UBE3D: variants seen among roughly 807,000 people sequenced by gnomAD.
UBE3D encodes E3 ubiquitin-protein ligase E3D.
Under a neutral mutation model 49.6 loss-of-function variants are expected in UBE3D, and 48 were observed. The observed-to-expected ratio is 0.97, with a 90% CI of 0.77 to 1.23. UBE3D has a LOEUF of 1.23. UBE3D is among the 50% of genes most tolerant of loss of function. The probability of loss-of-function intolerance (pLI) is 0.00; values close to 1 mark genes in which losing one functional copy is unlikely to be tolerated. For missense variants in UBE3D, 452 were observed against 468.4 expected, an observed-to-expected ratio of 0.96 and a Z score of 0.32; for synonymous variants, 189 against 174.2, an observed-to-expected ratio of 1.08 and a Z score of -0.67.
chr6:82,882,306 C>T, the UBE3D span, among the ~76,000 whole-genome samples: 1 of 152,108 alleles, frequency 6.6e-6, no homozygotes, highest in Non-Finnish European at 1.5e-5. Context: ...AGCAAAGCAC[C>T]TCACCAAAAT....
chr6:82,932,459 G>GTATA (rs1774233162), intron 9 of UBE3D: 1 of 152,004 alleles, frequency 6.6e-6, no homozygotes, highest in African/African-American at 2.4e-5. Flanking sequence ...TATACTCCAT[G>GTATA]CTGTGATCTG....
chr6:82,895,643 C>T (rs1312939227), intron 9 of UBE3D, among the ~76,000 whole-genome samples: 1 of 152,116 alleles, frequency 6.6e-6, no homozygotes, highest in African/African-American at 2.4e-5. Context: ...CAGCACAGTC[C>T]TATGGTTTAG....
At chr6:82,927,741 T>C (rs1163813476) in intron 9 of UBE3D, among the ~76,000 whole-genome samples, 1 of 123,118 alleles carries the variant, frequency 8.1e-6, no homozygotes, top group Non-Finnish European at 1.8e-5. Flanking sequence ...TAATCACTTA[T>C]TAGTTTGGGA....
chr6:82,900,483 A>AG (rs1156411336), intron 9 of UBE3D, among the ~76,000 whole-genome samples: 8 of 152,204 alleles, frequency 5.3e-5, no homozygotes, highest in Non-Finnish European at 1.2e-4. Flanking sequence ...TGTCATTTAA[A>AG]CAGATTTATT....
intron 8 of UBE3D, among the ~76,000 whole-genome samples, chr6:83,014,957 A>G (rs1326892661): frequency 6.6e-6 from 1 of 152,198 alleles, no homozygotes; most frequent in African/African-American, 2.4e-5. Flanking sequence ...GAACATCGTA[A>G]TTAGCTAATG....
chr6:83,005,759 G>A (rs1384434056), intron 8 of UBE3D, among the ~76,000 whole-genome samples: 2 of 151,996 alleles, frequency 1.3e-5, no homozygotes, highest in African/African-American at 4.8e-5. Flanking sequence ...CAGACGAAAA[G>A]ATAAACAAAA....
chr6:83,038,415 C>T lies in UBE3D; in HGVS notation c.667+1G>A. The T allele has an allele frequency of 6.2e-7, 1 of 1,610,364 alleles. No homozygotes were observed. The highest frequency in any genetic ancestry group is 1.1e-5 in the South Asian group (1 of 89,962). On this transcript the variant is annotated splice_donor_variant, in intron 5 of 9. Coordinates refer to ENST00000369747, the MANE Select transcript of UBE3D (RefSeq NM_198920.3). LOFTEE classifies it high-confidence loss of function. ...TTGGCTTCTTGTTATGAAATTCTTA[C>T]CTGATGACACGGTCTCTCCCAACAT...
intron 9 of UBE3D, among the ~76,000 whole-genome samples, chr6:82,943,039 A>C (rs1226400173): frequency 6.6e-6 from 1 of 152,236 alleles, no homozygotes; most frequent in Non-Finnish European, 1.5e-5. Flanking sequence ...AGCTGCCCAA[A>C]GCATCGGAGC....
chr6:83,050,324 C>T (rs183528645), intron 3 of UBE3D, among the ~76,000 whole-genome samples: 2 of 151,610 alleles, frequency 1.3e-5, no homozygotes, highest in Admixed American at 6.6e-5. Flanking sequence ...ACCCCAAATA[C>T]AAATGAGGTT....
intron 8 of UBE3D, 27 bp downstream of exon 8, chr6:83,018,946 G>C: frequency 6.2e-7 from 1 of 1,609,484 alleles, no homozygotes; most frequent in Non-Finnish European, 8.5e-7. Flanking sequence ...ACATAATGTG[G>C]AAAGAGAAAA....
At chr6:83,046,623 T>C (rs1783052900) in intron 3 of UBE3D, among the ~76,000 whole-genome samples, 1 of 137,424 alleles carries the variant, frequency 7.3e-6, no homozygotes, top group African/African-American at 2.8e-5. Context: ...CAAAAGCACA[T>C]GTTATAAATG....
intron 3 of UBE3D, among the ~76,000 whole-genome samples, chr6:83,048,783 G>T (rs1783256102): frequency 6.6e-6 from 1 of 152,052 alleles, no homozygotes; most frequent in Non-Finnish European, 1.5e-5. Context: ...AAGAACAAAA[G>T]ATTTTAATCA....
chr6:83,000,108 G>A (rs1240993447), intron 8 of UBE3D, among the ~76,000 whole-genome samples: 1 of 152,070 alleles, frequency 6.6e-6, no homozygotes, highest in Non-Finnish European at 1.5e-5. Context: ...CTATAAATGT[G>A]GGAGTTCTTC....
intron 8 of UBE3D, among the ~76,000 whole-genome samples, chr6:82,999,686 C>A (rs1330158134): frequency 6.6e-6 from 1 of 152,080 alleles, no homozygotes; most frequent in Non-Finnish European, 1.5e-5. Context: ...CACCCAGCCC[C>A]CTGTTGGCTT....
intron 9 of UBE3D, among the ~76,000 whole-genome samples, chr6:82,913,456 C>G (rs1772676838): frequency 6.6e-6 from 1 of 152,208 alleles, no homozygotes; most frequent in South Asian, 2.1e-4. Flanking sequence ...AACCCAACCC[C>G]TCTTCTCTCT....
downstream of UBE3D, among the ~76,000 whole-genome samples, chr6:82,887,805 T>C (rs145579802): frequency 6.0e-4 from 91 of 152,232 alleles, no homozygotes; most frequent in Non-Finnish European, 9.6e-4. Context: ...GATGACTAAT[T>C]TTGTTACTTA....
chr6:82,981,459 C>T (rs1021066794), intron 8 of UBE3D, among the ~76,000 whole-genome samples: 1 of 151,836 alleles, frequency 6.6e-6, no homozygotes, highest in African/African-American at 2.4e-5. Context: ...AAGCATATGG[C>T]AACTAAATGA....
intron 8 of UBE3D, among the ~76,000 whole-genome samples, chr6:82,990,365 C>T (rs1778801777): frequency 6.6e-6 from 1 of 152,124 alleles, no homozygotes; most frequent in Non-Finnish European, 1.5e-5. Context: ...GCAACCTCCA[C>T]CTCCTGGGTT....
rs139706098 is a variant in UBE3D, at chr6:83,044,558, G to A, written c.467C>T (p.Pro156Leu). ...TCCAATAAAACAGTCATTCTCTTGC[G>A]GATGAAGTGATTTATTAGCAAAGGG... The part of the protein sequence containing the change: ...PDPFANKSLH[P>L]QENDCFIGDS... The change falls in exon 4 of 10, where the codon CCG becomes CTG. Residue 156 changes from proline (P) to leucine (L), a missense_variant. By Grantham distance (98) the Pro-to-Leu change is moderately conservative. Transcript: ENST00000369747. 35 of 1,614,004 alleles carry A rather than the reference G, an allele frequency of 2.2e-5. No homozygotes were observed. The highest frequency in any genetic ancestry group is 6.7e-5 in the East Asian group (3 of 44,876).
Sources: gnomAD v4.1 joint callset for allele counts (sites outside exome capture counted in the v4.1 genomes callset) on GRCh38, gnomAD v4.1.1 for gene constraint, MANE v1.5 for transcripts, NCBI Gene and HGNC (gene_info 2026-07-23, HGNC 2026-07-21) for gene names.